Variants in GAA observed in about 807,000 individuals in gnomAD.
GAA encodes alpha glucosidase.
In GAA, 88 loss-of-function variants were observed where a neutral mutation model predicts 103.9. The observed-to-expected ratio is 0.85, with a 90% CI of 0.71 to 1.01. The LOEUF (loss-of-function observed/expected upper bound fraction) is 1.01. Among genes scored for constraint, GAA ranks in the 50% least tolerant of loss-of-function variants. The probability of loss-of-function intolerance (pLI) is 0.00; values close to 1 mark genes in which losing one functional copy is unlikely to be tolerated. For missense variants in GAA, 1,350 were observed against 1,305.3 expected (o/e 1.03, Z -0.53); for synonymous variants, 572 against 563.1 (o/e 1.02, Z -0.22).
chr17:80,117,066 T>C lies in GAA; in HGVS notation c.2288T>C (p.Val763Ala). 6.2e-7 allele frequency: 1 copy of C among 1,613,464 alleles called. No individual in the cohort carries two copies. The highest frequency in any genetic ancestry group is 8.5e-7 in the Non-Finnish European group (1 of 1,180,030). Residue 763 changes from valine to alanine, a missense_variant, in exon 16 of 20, where the codon GTG (valine) becomes GCG (alanine). Transcript: ENST00000302262. ...GTGCTCCAGGCCGGGAAGGCCGAAG[T>C]GACTGGCTACTTCCCCTTGGGCACA... Reference protein sequence around the residue: ...TPVLQAGKAEVTGYFPLGTWY... With the variant: ...TPVLQAGKAEATGYFPLGTWY...
In GAA at chr17:80,108,836, C is replaced by T. The variant is rs762988038; in HGVS notation, c.1326+8C>T. ...CGCTACATGATGATCGTGGTGTGTG[C>T]CCCCACACTGTGGGTCTTTGGGAAG... On this transcript the variant is annotated splice_region_variant and intron_variant, in intron 8 of 19. Transcript: ENST00000302262. The T allele has an allele frequency of 3.2e-6, 5 of 1,582,902 alleles. No homozygotes were observed. Among genetic ancestry groups the T allele is most frequent in the Non-Finnish European group, 3.4e-6 (4 of 1,164,702 alleles).
intron 3 of GAA, 50 bp downstream of exon 3, chr17:80,105,944 C>G (rs2039076560): frequency 6.4e-7 from 1 of 1,551,266 alleles, no homozygotes; most frequent in Admixed American, 1.8e-5. Context: ...ACGCGCATTT[C>G]TCACACGGCA....
At chr17:80,118,913 A>T in intron 19 of GAA, 108 bp downstream of exon 19, 1 of 1,375,922 alleles carries the variant, frequency 7.3e-7, no homozygotes, top group Non-Finnish European at 1.0e-6. Context: ...GGATGCTGGG[A>T]CCTCCCAAGG....
rs2143825106 is a variant in GAA, at chr17:80,104,718, C to T, written c.132C>T (p.Gly44=). ...DFLLVPRELS[G]SSPVLEETHP... ...TGCTGGTTCCCCGAGAGCTGAGTGG[C>T]TCCTCCCCAGTCCTGGAGGAGACTC... Residue 44 remains glycine (G), a synonymous_variant, in exon 2 of 20, where the codon GGC becomes GGT. Transcript: ENST00000302262. The surrounding 1 kb of genome is among the most constrained non-coding windows in gnomAD (Gnocchi z 4.0). 2 of 1,612,520 alleles carry T rather than the reference C, an allele frequency of 1.2e-6. No homozygotes were observed. Among genetic ancestry groups the T allele is most frequent in the Non-Finnish European group, 1.7e-6 (2 of 1,179,760 alleles).
chr17:80,113,199 G>A lies in GAA; in HGVS notation c.2041-19G>A. On this transcript the variant is annotated intron_variant, in intron 14 of 19. Coordinates refer to ENST00000302262, the MANE Select transcript of GAA (RefSeq NM_000152.5). ...GCCCCAGCACCCAAGTGCTTCCTTT[G>A]CCCCCGCCTGCCCTGCAGCCCCAGG... 1 of 1,581,492 alleles carries A rather than the reference G, an allele frequency of 6.3e-7. No homozygotes were observed. Among genetic ancestry groups the A allele is most frequent in the Non-Finnish European group, 8.6e-7 (1 of 1,166,952 alleles).
Position 80,117,005 on chromosome 17 carries a change from C to A in GAA, c.2227C>A (p.Gln743Lys). 6.2e-7 allele frequency: 1 copy of A among 1,613,794 alleles called. No homozygotes were observed. Among genetic ancestry groups the A allele is most frequent in the Non-Finnish European group, 8.5e-7 (1 of 1,180,026 alleles). The part of the protein sequence containing the change: ...KDSSTWTVDH[Q>K]LLWGEALLIT... ...CTCTAGCACCTGGACTGTGGACCAC[C>A]AGCTCCTGTGGGGGGAGGCCCTGCT... is the stretch of plus-strand genomic sequence containing the variant. Residue 743 changes from glutamine to lysine, a missense_variant, in exon 16 of 20, where the codon CAG becomes AAG. Gln to Lys is a moderately conservative substitution (Grantham distance 53). Coordinates refer to ENST00000302262, the MANE Select transcript of GAA (RefSeq NM_000152.5).
chr17:80,110,869 C>T, intron 10 of GAA, 29 bp downstream of exon 10: 2 of 1,613,324 alleles, frequency 1.2e-6, no homozygotes, highest in South Asian at 1.1e-5. Context: ...TGAGCATCCC[C>T]AAGGCCTCTG....
At chr17:80,110,304 C>G (rs1489516113) in intron 9 of GAA, among the ~76,000 whole-genome samples, 1 of 152,228 alleles carries the variant, frequency 6.6e-6, no homozygotes, top group Non-Finnish European at 1.5e-5. Context: ...CCTGCAGACC[C>G]TCAGTGAGGC....
chr17:80,108,203 C>G (rs1297171661), intron 5 of GAA, 87 bp from the exon 6 acceptor site: 2 of 1,607,822 alleles, frequency 1.2e-6, no homozygotes, highest in African/African-American at 2.7e-5. Flanking sequence ...AGCCTCAACT[C>G]TCCGCCTGTG....
At chr17:80,118,025 A>G (rs1431830082) in intron 17 of GAA, among the ~76,000 whole-genome samples, 168 bp from the exon 18 acceptor site, 3 of 152,254 alleles carry the variant, frequency 2.0e-5, no homozygotes, top group South Asian at 4.1e-4. Context: ...GAGGTGGGGA[A>G]GGTCTTGGGT....
chr17:80,117,556 G>A (rs375228587), intron 16 of GAA, 44 bp from the exon 17 acceptor site: 3 of 1,610,254 alleles, frequency 1.9e-6, no homozygotes, highest in Admixed American at 1.7e-5. Context: ...CAGCATGGGG[G>A]CCTCGGCACG....
chr17:80,106,946 G>T (rs1310211208), intron 3 of GAA, among the ~76,000 whole-genome samples: 1 of 152,184 alleles, frequency 6.6e-6, no homozygotes, highest in Non-Finnish European at 1.5e-5. Flanking sequence ...CATCTTATCA[G>T]ATCTCGGTCT....
At chr17:80,105,243 C>G in intron 2 of GAA, 111 bp downstream of exon 2, 1 of 1,140,252 alleles carries the variant, frequency 8.8e-7, no homozygotes, top group Non-Finnish European at 1.2e-6. Context: ...TGTGCTGGGC[C>G]CTTGCTGGGA....
chr17:80,108,562 C>G lies in GAA; in HGVS notation c.1149C>G (p.Ile383Met). 3 of 1,612,840 alleles carry G rather than the reference C, an allele frequency of 1.9e-6. No homozygotes were observed. The highest frequency in any genetic ancestry group is 1.7e-6 in the Non-Finnish European group (2 of 1,179,840). ...LCRWGYSSTA[I>M]TRQVVENMTR... Reference sequence around the variant, plus strand: ...GCTGGGGCTACTCCTCCACCGCTATCACCCGCCAGGTGGTGGAGAACATGA... The same window carrying G: ...GCTGGGGCTACTCCTCCACCGCTATGACCCGCCAGGTGGTGGAGAACATGA... Residue 383 changes from isoleucine to methionine, a missense_variant, in exon 7 of 20, where the codon ATC (isoleucine) becomes ATG (methionine). Physicochemically the swap from Ile to Met is conservative, Grantham distance 10. Coordinates refer to ENST00000302262, the MANE Select transcript of GAA (RefSeq NM_000152.5).
intron 15 of GAA, among the ~76,000 whole-genome samples, chr17:80,114,293 T>C (rs1309224742): frequency 1.3e-5 from 2 of 152,114 alleles, no homozygotes; most frequent in Non-Finnish European, 2.9e-5. Context: ...AAGAACCAAA[T>C]TGGAGGAACA....
In GAA at chr17:80,110,026, A is replaced by C; in HGVS notation, c.1408A>C (p.Asn470His). The change falls in exon 9 of 20, where the codon AAC (asparagine) becomes CAC (histidine). Residue 470 changes from asparagine to histidine, a missense_variant. Asn to His is a moderately conservative substitution (Grantham distance 68). Transcript: ENST00000302262. ...EGLRRGVFIT[N>H]ETGQPLIGKV... Reference sequence around the variant, plus strand: ...TCTGCGGAGGGGGGTTTTCATCACCAACGAGACCGGCCAGCCGCTGATTGG... The same window carrying C: ...TCTGCGGAGGGGGGTTTTCATCACCCACGAGACCGGCCAGCCGCTGATTGG... The C allele has an allele frequency of 6.2e-7, 1 of 1,613,260 alleles. No homozygotes were observed. Among genetic ancestry groups the C allele is most frequent in the African/African-American group, 1.3e-5 (1 of 75,044 alleles).
Position 80,104,997 on chromosome 17 carries a change from G to A in GAA, c.411G>A (p.Lys137=), listed in dbSNP as rs1204640071. ...TCCCACCCAGCTACCCCAGCTACAA[G>A]CTGGAGAACCTGAGCTCCTCTGAAA... ...CFFPPSYPSY[K]LENLSSSEMG... Residue 137 remains lysine (K), a synonymous_variant, in exon 2 of 20, where the codon AAG becomes AAA. Coordinates refer to ENST00000302262, the MANE Select transcript of GAA (RefSeq NM_000152.5). The surrounding 1 kb of genome is among the most constrained non-coding windows in gnomAD (Gnocchi z 4.0). 1.9e-6 allele frequency: 3 copies of A among 1,612,944 alleles called. No homozygotes were observed. The highest frequency in any genetic ancestry group is 1.7e-5 in the Admixed American group (1 of 60,020).
chr17:80,106,769 A>T (rs1048329497), intron 3 of GAA, among the ~76,000 whole-genome samples: 2 of 152,150 alleles, frequency 1.3e-5, no homozygotes, highest in African/African-American at 4.8e-5. Context: ...ATAAAAATAA[A>T]AAATTAGCTG....
In GAA at chr17:80,119,496, C is replaced by T. The variant is rs1013964298; in HGVS notation, c.*165C>T. On this transcript the variant is annotated 3_prime_UTR_variant, in exon 20 of 20. Transcript: ENST00000302262. ...CATCGCTTGTTTCCACCTCCTGGGC[C>T]GGGGCTCTGGCCCCCAACGTGTCTA... is the stretch of plus-strand genomic sequence containing the variant. The T allele has an allele frequency of 6.3e-5, 43 of 685,558 alleles. No individual in the cohort carries two copies. The highest frequency in any genetic ancestry group is 9.8e-5 in the Non-Finnish European group (37 of 378,818). 42.5% of individuals were successfully genotyped at this position (685,558 alleles called of 1,614,324 possible).
Sources: allele counts gnomAD v4.1 joint callset (sites outside exome capture counted in the v4.1 genomes callset), GRCh38; gene constraint gnomAD v4.1.1; non-coding constraint Gnocchi (gnomAD v3.1); transcripts MANE v1.5; gene names NCBI Gene and HGNC (gene_info 2026-07-23, HGNC 2026-07-21).